The following SAMD8 variants were observed in gnomAD, a reference collection of about 807,000 sequenced individuals.
The protein encoded by SAMD8 is sphingomyelin synthase-related protein 1.
A neutral mutation model predicts 42.0 loss-of-function variants in SAMD8; 20 were observed. The observed-to-expected ratio is 0.48, with a 90% confidence interval of 0.34 to 0.69. SAMD8 has a LOEUF of 0.69. Ranked by LOEUF, SAMD8 falls within the 30% of genes least tolerant of loss-of-function variation. The pLI, the probability that SAMD8 is intolerant of heterozygous loss-of-function variation, is 0.01. For missense variants in SAMD8, 328 were observed against 511.6 expected, an observed-to-expected ratio of 0.64 and a Z score of 3.46; for synonymous variants, 162 against 173.0, an observed-to-expected ratio of 0.94 and a Z score of 0.50.
At chr10:75,103,849 G>A (rs1300592538) in intron 1 of SAMD8, 2 of 1,259,254 alleles carry the variant, frequency 1.6e-6, no homozygotes, top group East Asian at 5.7e-5. Flanking sequence ...GGGGTCCCTG[G>A]CCAAGAAGCC....
upstream of SAMD8, chr10:75,107,871 A>C (rs1024785298): frequency 2.5e-6 from 3 of 1,220,620 alleles, no homozygotes; most frequent in African/African-American, 4.6e-5. Flanking sequence ...GCCACCACAC[A>C]CGGCCTAAGC....
upstream of SAMD8, chr10:75,109,049 G>C: frequency 6.2e-7 from 1 of 1,611,298 alleles, no homozygotes; most frequent in Non-Finnish European, 8.5e-7. Flanking sequence ...TCGTCCACAC[G>C]GCTGCAAGAA....
At position 75,178,111 on chromosome 10, in the gene SAMD8, T is replaced by C. The variant is rs966579307; in HGVS notation, c.*1419T>C. The C allele has an allele frequency of 1.3e-5, 2 of 151,600 alleles. No homozygotes were observed. Among genetic ancestry groups the C allele is most frequent in the Non-Finnish European group, 2.9e-5 (2 of 68,040 alleles). The allele number at this position is 151,600 out of a possible 1,614,324, so 9.4% of individuals were successfully genotyped here. ...TCCTTCCTTATCTGGGTGAAATATT[T>C]TATTTTTGCACTTTGAGTCATATTC... is the stretch of plus-strand genomic sequence containing the variant. On this transcript the variant is annotated 3_prime_UTR_variant, in exon 6 of 6. Transcript: ENST00000542569.
At chr10:75,146,271 A>C (rs1470344437) in intron 1 of SAMD8, among the ~76,000 whole-genome samples, 7 of 109,386 alleles carry the variant, frequency 6.4e-5, no homozygotes, top group East Asian at 2.8e-4. Context: ...GTGTCTTGAC[A>C]CTTTTTTTTT....
At chr10:75,160,949 TC>T (rs971879142) in intron 2 of SAMD8, among the ~76,000 whole-genome samples, 4 of 152,070 alleles carry the variant, frequency 2.6e-5, no homozygotes, top group Non-Finnish European at 5.9e-5. Context: ...GTGCCTGTAG[TC>T]CCGGGTATTG....
intron 1 of SAMD8, among the ~76,000 whole-genome samples, chr10:75,137,339 A>G (rs1282505041): frequency 6.6e-6 from 1 of 152,170 alleles, no homozygotes; most frequent in African/African-American, 2.4e-5. Flanking sequence ...CAGGAGTTCG[A>G]GACCAGCCTG....
In SAMD8 at chr10:75,172,021, A is replaced by G. The variant is rs375655736; in HGVS notation, c.792+3363A>G. Among the ~76,000 whole-genome samples, 79 of 147,958 alleles carry G rather than the reference A, an allele frequency of 5.3e-4. No individual in the cohort carries two copies. The South Asian group carries it at 0.017, about 32-fold the overall frequency. ...AGCCTGGGTGACAGAGCGAGACTCC[A>G]TCTCAAAAAAAAAAAAAAAAGTGGT... On this transcript the variant is annotated intron_variant, in intron 4 of 5. Transcript: ENST00000542569.
At position 75,134,941 on chromosome 10, in the gene SAMD8, G is replaced by C. The variant is rs191733088; in HGVS notation, c.-15-15573G>C. Among the ~76,000 whole-genome samples, 514 of 152,046 alleles carry C rather than the reference G, an allele frequency of 3.4e-3. 2 individuals carry two copies. Among genetic ancestry groups the C allele is most frequent in the African/African-American group, 0.011 (476 of 41,456 alleles). On this transcript the variant is annotated intron_variant, in intron 1 of 5. Transcript: ENST00000542569. ...CCAAGCATGATGGCACATGCCTGTA[G>C]TCCCCGCTACTCAGGAGGCTGAGGT...
intron 1 of SAMD8, among the ~76,000 whole-genome samples, chr10:75,129,725 C>T (rs979812019): frequency 2.0e-5 from 3 of 152,158 alleles, no homozygotes; most frequent in African/African-American, 7.2e-5. Context: ...ATCTGAGTAG[C>T]TACATGAATA....
intron 1 of SAMD8, among the ~76,000 whole-genome samples, chr10:75,101,522 T>C (rs1264580760): frequency 1.3e-5 from 2 of 152,232 alleles, no homozygotes; most frequent in Non-Finnish European, 2.9e-5. Flanking sequence ...ATGTACTATG[T>C]GCCAGACAGA....
At chr10:75,110,118 A>G (rs966129035), upstream of SAMD8, among the ~76,000 whole-genome samples, 5 of 152,172 alleles carry the variant, frequency 3.3e-5, no homozygotes, top group East Asian at 9.6e-4. Context: ...TGCCGGGCCA[A>G]TGGGGCAAGG....
intron 1 of SAMD8, among the ~76,000 whole-genome samples, chr10:75,115,446 C>T (rs1217493513): frequency 3.3e-5 from 5 of 152,118 alleles, no homozygotes; most frequent in South Asian, 2.1e-4. Context: ...TACATGCTAC[C>T]GCTGTTGCTT....
At chr10:75,159,063 C>CTTTTTTTTTTTTTTTTTTTTTT (rs530043259) in intron 2 of SAMD8, among the ~76,000 whole-genome samples, 1 of 133,466 alleles carries the variant, frequency 7.5e-6, no homozygotes, top group Non-Finnish European at 1.6e-5. Flanking sequence ...TTTTCTTTTT[C>CTTTTTTTTTTTTTTTTTTTTTT]TTTTTTTTTT....
intron 1 of SAMD8, chr10:75,104,107 A>G (rs1197113790): frequency 2.5e-5 from 34 of 1,336,580 alleles, no homozygotes; most frequent in Non-Finnish European, 3.1e-5. Flanking sequence ...TCTGGAAGAG[A>G]GATGAGCTCT....
intron 2 of SAMD8, among the ~76,000 whole-genome samples, chr10:75,152,523 A>AAAAAAAAAAAAAG (rs1220674925): frequency 6.9e-6 from 1 of 145,580 alleles, no homozygotes; most frequent in Admixed American, 6.8e-5. Context: ...CTCCGTCTCA[A>AAAAAAAAAAAAAG]AAAAAAAAAA....
At chr10:75,158,417 CCCTGT>C (rs1840472009) in intron 2 of SAMD8, among the ~76,000 whole-genome samples, 1 of 151,882 alleles carries the variant, frequency 6.6e-6, no homozygotes, top group Admixed American at 6.6e-5. Context: ...CATGGCGAAA[CCCTGT>C]CTTTACTAAA....
chr10:75,181,549 T>G lies in SAMD8; in HGVS notation c.*4857T>G, dbSNP rs1196893788. The G allele has an allele frequency of 6.6e-6, 1 of 152,244 alleles. No homozygotes were observed. The highest frequency in any genetic ancestry group is 2.4e-5 in the African/African-American group (1 of 41,458). 9.4% of individuals were successfully genotyped at this position (152,244 alleles called of 1,614,324 possible). On this transcript the variant is annotated 3_prime_UTR_variant, in exon 6 of 6. Coordinates refer to ENST00000542569, the MANE Select transcript of SAMD8 (RefSeq NM_001174156.2). Reference sequence around the variant, plus strand: ...CATATTTCAGCTATTCTGGTTTTTATAATACATTCTACCCTAAATTAACCA... The same window carrying G: ...CATATTTCAGCTATTCTGGTTTTTAGAATACATTCTACCCTAAATTAACCA...
chr10:75,104,821 G>C (rs538235840), intron 1 of SAMD8, among the ~76,000 whole-genome samples: 1 of 152,044 alleles, frequency 6.6e-6, no homozygotes, highest in Non-Finnish European at 1.5e-5. Context: ...GGAAGGGGTC[G>C]ATGCTGCTGA....
chr10:75,108,102 C>T (rs1377913074), upstream of SAMD8: 1 of 1,613,860 alleles, frequency 6.2e-7, no homozygotes, highest in East Asian at 2.2e-5. Flanking sequence ...GCTCACACTG[C>T]TGCCGTAGAA....
Sources: gnomAD v4.1 joint callset for allele counts (sites outside exome capture counted in the v4.1 genomes callset) on GRCh38, gnomAD v4.1.1 for gene constraint, MANE v1.5 for transcripts, NCBI Gene and HGNC (gene_info 2026-07-23, HGNC 2026-07-21) for gene names.